Variants in NFIB observed in about 807,000 individuals in gnomAD.
NFIB encodes nuclear factor 1 B-type.
A neutral mutation model predicts 61.5 loss-of-function variants in NFIB; 11 were observed. The observed-to-expected ratio is 0.18, with a 90% CI of 0.11 to 0.30. NFIB has a LOEUF of 0.30. NFIB is among the 10% of genes least tolerant of loss of function. The pLI, the probability that NFIB is intolerant of heterozygous loss-of-function variation, is 1.00. For missense variants in NFIB, 471 were observed against 608.9 expected, an observed-to-expected ratio of 0.77 and a Z score of 2.38; for synonymous variants, 260 against 216.5, an observed-to-expected ratio of 1.20 and a Z score of -1.76.
chr9:14,485,912 C>T, the NFIB span, among the ~76,000 whole-genome samples: 16 of 151,788 alleles, frequency 1.1e-4, no homozygotes, highest in Admixed American at 7.9e-4. Context: ...CAACCCCCCC[C>T]ACAACACACA....
intron 2 of NFIB, among the ~76,000 whole-genome samples, chr9:14,202,690 G>A (rs10738356): frequency 0.87 from 132,345 of 152,224 alleles, 57,825 homozygotes; most frequent in South Asian, 0.94. Context: ...ACCCATATGT[G>A]TAGTATTTTA....
At chr9:14,238,270 C>T (rs1365417158) in intron 2 of NFIB, among the ~76,000 whole-genome samples, 2 of 152,008 alleles carry the variant, frequency 1.3e-5, no homozygotes, top group Non-Finnish European at 2.9e-5. Context: ...AAAGGGCAGG[C>T]AGAGTGACTC....
At chr9:14,529,028 T>C in the NFIB span, among the ~76,000 whole-genome samples, 1 of 152,166 alleles carries the variant, frequency 6.6e-6, no homozygotes, top group Non-Finnish European at 1.5e-5. Flanking sequence ...TCTAAAGAAG[T>C]AAAATATATA....
chr9:14,374,664 C>G (rs1318813411), intron 1 of NFIB, among the ~76,000 whole-genome samples: 1 of 152,226 alleles, frequency 6.6e-6, no homozygotes, highest in Non-Finnish European at 1.5e-5. Context: ...AGTCCCAGCA[C>G]TTTGTGAGGC....
At chr9:14,198,667 G>A (rs943562185) in intron 2 of NFIB, among the ~76,000 whole-genome samples, 8 of 152,160 alleles carry the variant, frequency 5.3e-5, no homozygotes, top group African/African-American at 1.2e-4. Flanking sequence ...ACTGGGACTC[G>A]TACAGCAATG....
At chr9:14,309,888 T>C (rs1181340796) in intron 1 of NFIB, among the ~76,000 whole-genome samples, 1 of 152,182 alleles carries the variant, frequency 6.6e-6, no homozygotes, top group Non-Finnish European at 1.5e-5. Context: ...AAAGAGCACA[T>C]GAGGTGGAGT....
intron 2 of NFIB, among the ~76,000 whole-genome samples, chr9:14,281,989 A>G (rs767383167): frequency 4.6e-5 from 7 of 152,192 alleles, no homozygotes; most frequent in Admixed American, 1.3e-4. Context: ...TCAAAAAACC[A>G]ATGTAAACTT....
At chr9:14,113,927 C>G (rs544890817) in intron 9 of NFIB, among the ~76,000 whole-genome samples, 6 of 152,226 alleles carry the variant, frequency 3.9e-5, no homozygotes, top group Admixed American at 1.3e-4. Context: ...TAGGGAGCTA[C>G]TCCTAAAGAC....
the NFIB span, among the ~76,000 whole-genome samples, chr9:14,469,332 C>G: frequency 5.3e-5 from 8 of 152,166 alleles, no homozygotes; most frequent in African/African-American, 1.9e-4. Context: ...GTTTCACAAA[C>G]TTCTCTGGTG....
chr9:14,348,589 G>T (rs969627257), intron 1 of NFIB, among the ~76,000 whole-genome samples: 2 of 152,234 alleles, frequency 1.3e-5, no homozygotes, highest in African/African-American at 4.8e-5. Flanking sequence ...AGCCAGGCCA[G>T]CGCCCGGGTG....
chr9:14,337,497 A>G (rs1672416464), intron 1 of NFIB, among the ~76,000 whole-genome samples: 1 of 152,188 alleles, frequency 6.6e-6, no homozygotes, highest in African/African-American at 2.4e-5. Flanking sequence ...GCAATGTTAT[A>G]TTTCTTGACT....
At chr9:14,343,625 A>T (rs1384664399) in intron 1 of NFIB, among the ~76,000 whole-genome samples, 1 of 152,206 alleles carries the variant, frequency 6.6e-6, no homozygotes, top group East Asian at 1.9e-4. Flanking sequence ...CACTTTATAA[A>T]GAAAAGCAAT....
intron 1 of NFIB, among the ~76,000 whole-genome samples, chr9:14,350,683 T>A (rs1202505828): frequency 2.0e-5 from 3 of 152,144 alleles, no homozygotes; most frequent in South Asian, 2.1e-4. Flanking sequence ...ACAAAAAAAA[T>A]TCCTCTTTCT....
At chr9:14,164,375 T>G (rs1039678673) in intron 3 of NFIB, among the ~76,000 whole-genome samples, 2 of 151,978 alleles carry the variant, frequency 1.3e-5, no homozygotes, top group African/African-American at 4.8e-5. Context: ...ATGCATGAAA[T>G]TGCATATAGC....
chr9:14,165,908 G>A (rs1349706444), intron 3 of NFIB, among the ~76,000 whole-genome samples: 1 of 152,136 alleles, frequency 6.6e-6, no homozygotes, highest in Non-Finnish European at 1.5e-5. Context: ...TTTGCAAGAT[G>A]AAAAGTTTCT....
intron 3 of NFIB, among the ~76,000 whole-genome samples, chr9:14,164,921 T>G (rs1417759282): frequency 6.6e-6 from 1 of 152,142 alleles, no homozygotes; most frequent in Non-Finnish European, 1.5e-5. Flanking sequence ...CAGCAAAGTT[T>G]GGGAATCACT....
the NFIB span, among the ~76,000 whole-genome samples, chr9:14,471,821 T>C: frequency 6.6e-6 from 1 of 152,288 alleles, no homozygotes; most frequent in Admixed American, 6.5e-5. Context: ...TTATTTCCAG[T>C]CTGAGCTGTT....
At chr9:14,174,975 A>G (rs1275746379) in intron 3 of NFIB, among the ~76,000 whole-genome samples, 3 of 151,972 alleles carry the variant, frequency 2.0e-5, no homozygotes, top group Non-Finnish European at 2.9e-5. Context: ...AATCAAGCAA[A>G]TATCGGCTCT....
intron 3 of NFIB, among the ~76,000 whole-genome samples, chr9:14,174,278 G>A (rs945211835): frequency 3.9e-5 from 6 of 152,124 alleles, no homozygotes; most frequent in Non-Finnish European, 8.8e-5. Flanking sequence ...CCATTAACCA[G>A]TCCTTTCAGC....
Sources: gnomAD v4.1 joint callset for allele counts (sites outside exome capture counted in the v4.1 genomes callset) on GRCh38, gnomAD v4.1.1 for gene constraint, MANE v1.5 for transcripts, NCBI Gene and HGNC (gene_info 2026-07-23, HGNC 2026-07-21) for gene names.